The following ITPR2 variants were observed in gnomAD, a reference collection of about 807,000 sequenced individuals.
ITPR2 encodes the protein inositol 1,4,5-trisphosphate-gated calcium channel ITPR2.
A neutral mutation model predicts 317.1 loss-of-function variants in ITPR2; 207 were observed. The ratio of observed to expected loss-of-function variants is 0.65; its 90% confidence interval spans 0.58 to 0.73. ITPR2 has a LOEUF of 0.73. Among genes scored for constraint, ITPR2 ranks in the 30% least tolerant of loss-of-function variants. The probability of loss-of-function intolerance (pLI) is 0.00; values close to 1 mark genes in which losing one functional copy is unlikely to be tolerated. For synonymous variants in ITPR2, 1,156 were observed against 1,149.1 expected (o/e 1.01, Z -0.12); for missense variants, 2,613 against 3,284.0 (o/e 0.80, Z 4.99).
intron 26 of ITPR2, among the ~76,000 whole-genome samples, chr12:26,618,632 T>C (rs887990710): frequency 6.6e-6 from 1 of 152,196 alleles, no homozygotes; most frequent in African/African-American, 2.4e-5. Flanking sequence ...ATACTGCATG[T>C]GTTACTCCTA....
Position 26,832,848 on chromosome 12 carries a change from A to G in ITPR2, c.-67T>C. On this transcript the variant is annotated 5_prime_UTR_variant, in exon 1 of 57. Coordinates refer to ENST00000381340, the MANE Select transcript of ITPR2 (RefSeq NM_002223.4). ...CGCCCTCGCCGCCCTCTCTCCAGGG[A>G]GCCGCCGCGGCAGAAGCGGATCGGA... The G allele has an allele frequency of 4.7e-6, 6 of 1,277,778 alleles. 1 individual carries two copies. The South Asian group carries it at 7.4e-5, about 16-fold the overall frequency. The allele number at this position is 1,277,778 out of a possible 1,614,324, so 79.2% of individuals were successfully genotyped here.
At chr12:26,404,079 C>T (rs1447973772) in intron 52 of ITPR2, among the ~76,000 whole-genome samples, 4 of 152,084 alleles carry the variant, frequency 2.6e-5, no homozygotes, top group Admixed American at 6.5e-5. Flanking sequence ...GAAAGAATGA[C>T]TGGAGGTGGA....
chr12:26,575,238 G>A (rs1319954879), intron 34 of ITPR2, among the ~76,000 whole-genome samples: 1 of 149,474 alleles, frequency 6.7e-6, no homozygotes, highest in Non-Finnish European at 1.5e-5. Context: ...GCAAAGGGAT[G>A]TTGCTGAAGG....
chr12:26,347,754 C>T (rs939245580), intron 55 of ITPR2, among the ~76,000 whole-genome samples: 6 of 152,166 alleles, frequency 3.9e-5, no homozygotes, highest in Non-Finnish European at 8.8e-5. Flanking sequence ...GGTATGCTAA[C>T]GATTGATTTA....
intron 24 of ITPR2, among the ~76,000 whole-genome samples, chr12:26,622,818 G>T (rs1946531007): frequency 6.6e-6 from 1 of 152,212 alleles, no homozygotes. Flanking sequence ...AGGAGTGGGG[G>T]AGGCCAGCGC....
At chr12:26,512,380 G>A (rs749870636) in intron 37 of ITPR2, among the ~76,000 whole-genome samples, 4 of 152,130 alleles carry the variant, frequency 2.6e-5, no homozygotes, top group Non-Finnish European at 4.4e-5. Context: ...TGAGATAAAT[G>A]CATACCTGAT....
At chr12:26,518,472 T>C (rs1396295723) in intron 37 of ITPR2, among the ~76,000 whole-genome samples, 1 of 152,072 alleles carries the variant, frequency 6.6e-6, no homozygotes, top group African/African-American at 2.4e-5. Context: ...CCCTGTGACA[T>C]GCAATTTACC....
In ITPR2 at chr12:26,410,684, G is replaced by A. The variant is rs1024263691; in HGVS notation, c.7399+636C>T. Among the ~76,000 whole-genome samples, 5 of 152,218 alleles carry A rather than the reference G, an allele frequency of 3.3e-5. No individual in the cohort carries two copies. In the East Asian group the frequency reaches 7.7e-4, roughly 23 times the overall value. ...ACTCCCTAAATCTTTGCTGCTTCAG[G>A]AAACAGGTCACTAATTTCTTCTACA... On this transcript the variant is annotated intron_variant, in intron 52 of 56. Transcript: ENST00000381340.
At chr12:26,355,557 A>G (rs1214690321) in intron 55 of ITPR2, among the ~76,000 whole-genome samples, 1 of 152,236 alleles carries the variant, frequency 6.6e-6, no homozygotes, top group Non-Finnish European at 1.5e-5. Flanking sequence ...CACTCAAAAA[A>G]TGCCTATAAC....
At chr12:26,597,462 G>A (rs1945876200) in intron 30 of ITPR2, among the ~76,000 whole-genome samples, 1 of 151,718 alleles carries the variant, frequency 6.6e-6, no homozygotes, top group Non-Finnish European at 1.5e-5. Context: ...TTTTTTTTGG[G>A]AGACTCCATG....
chr12:26,490,231 C>G (rs1942767257), intron 39 of ITPR2, among the ~76,000 whole-genome samples: 1 of 152,036 alleles, frequency 6.6e-6, no homozygotes, highest in East Asian at 1.9e-4. Flanking sequence ...TACAACCAAA[C>G]AAAGTAGCAC....
Position 26,624,328 on chromosome 12 carries a change from T to C in ITPR2, c.3093A>G (p.Ala1031=). Residue 1031 remains alanine, a synonymous_variant, in exon 24 of 57, where the codon GCA becomes GCG. Coordinates refer to ENST00000381340, the MANE Select transcript of ITPR2 (RefSeq NM_002223.4). ...CCGCAAACATAGTTTCTGCCTGAGC[T>C]GCAATTTCATCTATATCAGGAACAA... The part of the protein sequence containing the change: ...SAIVPDIDEI[A]AQAETMFAGR... 1.2e-6 allele frequency: 2 copies of C among 1,609,906 alleles called. No individual in the cohort carries two copies. The highest frequency in any genetic ancestry group is 1.7e-6 in the Non-Finnish European group (2 of 1,177,284).
chr12:26,732,353 T>C (rs990344231), intron 2 of ITPR2, among the ~76,000 whole-genome samples: 8 of 152,184 alleles, frequency 5.3e-5, no homozygotes, highest in African/African-American at 1.9e-4. Context: ...GTGAATTCCC[T>C]AGATCCTTCA....
chr12:26,418,357 A>C (rs1177243979), intron 50 of ITPR2, among the ~76,000 whole-genome samples: 1 of 152,186 alleles, frequency 6.6e-6, no homozygotes, highest in Admixed American at 6.5e-5. Context: ...GTAACCTGGT[A>C]GTGCTTTTTA....
At chr12:26,576,985 ACTCT>A (rs145866496) in intron 34 of ITPR2, among the ~76,000 whole-genome samples, 1 of 149,262 alleles carries the variant, frequency 6.7e-6, no homozygotes, top group Non-Finnish European at 1.5e-5. Context: ...CCTTCCTTTC[ACTCT>A]CTCTCTCTCT....
intron 26 of ITPR2, among the ~76,000 whole-genome samples, chr12:26,604,845 C>A (rs995047816): frequency 1.6e-4 from 25 of 152,152 alleles, no homozygotes; most frequent in African/African-American, 6.0e-4. Flanking sequence ...CCTGTAATCC[C>A]GGCACTTTGG....
At position 26,680,181 on chromosome 12, in the gene ITPR2, C is replaced by CA. The variant is rs567758212; in HGVS notation, c.1409+1692dup. Among the ~76,000 whole-genome samples the CA allele has an allele frequency of 7.2e-3, 1,071 of 147,844 alleles. 3 individuals are homozygous for CA. The highest frequency in any genetic ancestry group is 0.02 in the South Asian group (94 of 4,628). On this transcript the variant is annotated intron_variant, in intron 13 of 56. Transcript: ENST00000381340. ...AGCCCTCAAGAGATTGTTAAATCAC[C>CA]AAAAAAAAAGGAAACAGGCTCTATT...
intron 2 of ITPR2, among the ~76,000 whole-genome samples, chr12:26,737,090 C>A (rs1253894701): frequency 6.6e-6 from 1 of 152,044 alleles, no homozygotes; most frequent in Non-Finnish European, 1.5e-5. Context: ...AGGGGAAACT[C>A]GCCAGCAATT....
chr12:26,670,195 T>G (rs947166958), intron 13 of ITPR2, among the ~76,000 whole-genome samples: 5 of 152,094 alleles, frequency 3.3e-5, no homozygotes, highest in African/African-American at 9.7e-5. Flanking sequence ...GAAGAGAGCA[T>G]TGGTTCTCCC....
Sources: allele counts gnomAD v4.1 joint callset (sites outside exome capture counted in the v4.1 genomes callset), GRCh38; gene constraint gnomAD v4.1.1; transcripts MANE v1.5; gene names NCBI Gene and HGNC (gene_info 2026-07-23, HGNC 2026-07-21).